Variants in SSC5D observed in about 807,000 individuals in gnomAD.
SSC5D encodes soluble scavenger receptor cysteine-rich domain-containing protein SSC5D.
SSC5D carries 106 observed loss-of-function variants against 104.6 expected under a neutral mutation model. The observed-to-expected ratio is 1.01, with a 90% CI of 0.87 to 1.19. The LOEUF (loss-of-function observed/expected upper bound fraction) is 1.19. Ranked by LOEUF, SSC5D falls within the 50% of genes most tolerant of loss-of-function variation. SSC5D has a pLI of 0.00. For synonymous variants in SSC5D, 860 were observed against 883.5 expected, an observed-to-expected ratio of 0.97 and a Z score of 0.47; for missense variants, 1,993 against 2,153.8, an observed-to-expected ratio of 0.93 and a Z score of 1.48.
chr19:55,490,779 G>T lies in SSC5D; in HGVS notation c.594G>T (p.Leu198=), dbSNP rs940648801. The change falls in exon 6 of 14, where the codon CTG becomes CTT. Residue 198 remains leucine (L), a synonymous_variant. Coordinates refer to ENST00000389623, the MANE Select transcript of SSC5D (RefSeq NM_001144950.2). ...LTTGAPRQER[L]RLVSGPHRCA... Reference sequence around the variant, plus strand: ...TCCCTGCTCACCCCACAGAGCGGCTGCGCCTGGTCTCTGGCCCCCACAGGT... The same window carrying T: ...TCCCTGCTCACCCCACAGAGCGGCTTCGCCTGGTCTCTGGCCCCCACAGGT... The T allele has an allele frequency of 2.9e-5, 45 of 1,533,702 alleles. No homozygotes were observed. The highest frequency in any genetic ancestry group is 3.9e-5 in the Non-Finnish European group (44 of 1,141,572).
At chr19:55,499,604 G>A (rs536902353) in intron 9 of SSC5D, among the ~76,000 whole-genome samples, 1 of 152,200 alleles carries the variant, frequency 6.6e-6, no homozygotes, top group South Asian at 2.1e-4. Flanking sequence ...GAAGGCGGGG[G>A]CAGTGTCGGG....
At position 55,489,126 on chromosome 19, in the gene SSC5D, G is replaced by A. The variant is rs1251605006; in HGVS notation, c.52+94G>A. ...CTGGCCTCACCCCCACTGGGTCCCC[G>A]GCCCATCCGAATTCCACTGTGACCT... On this transcript the variant is annotated intron_variant, in intron 2 of 13. Coordinates refer to ENST00000389623, the MANE Select transcript of SSC5D (RefSeq NM_001144950.2). 2.3e-5 allele frequency: 19 copies of A among 842,570 alleles called. No individual in the cohort carries two copies. The Admixed American group carries it at 3.3e-4, about 15-fold the overall frequency. 52.2% of individuals were successfully genotyped at this position (842,570 alleles called of 1,614,324 possible).
At chr19:55,516,041 G>A (rs559379518) in intron 13 of SSC5D, among the ~76,000 whole-genome samples, 1 of 152,216 alleles carries the variant, frequency 6.6e-6, no homozygotes, top group East Asian at 1.9e-4. Flanking sequence ...TCACTTGGAA[G>A]ACAGCCCCAG....
intron 4 of SSC5D, 55 bp downstream of exon 4, chr19:55,490,050 C>T (rs1359443384): frequency 1.5e-6 from 2 of 1,326,530 alleles, no homozygotes; most frequent in Non-Finnish European, 2.0e-6. Flanking sequence ...TCCTGCCCCC[C>T]CCGAGGGGAG....
At chr19:55,492,550 G>A (rs919874080) in intron 6 of SSC5D, 3 of 152,112 alleles carry the variant, frequency 2.0e-5, no homozygotes, top group Non-Finnish European at 4.4e-5. Context: ...GCAACCCCGG[G>A]AGGGAGACGC....
rs1987578788 is a variant in SSC5D at position 55,503,979 on chromosome 19, C to A, written c.2785+2778C>A. The A allele has an allele frequency of 1.2e-6, 1 of 822,120 alleles. No individual in the cohort carries two copies. Among genetic ancestry groups the A allele is most frequent in the Non-Finnish European group, 1.8e-6 (1 of 547,096 alleles). The allele number at this position is 822,120 out of a possible 1,614,324, so 50.9% of individuals were successfully genotyped here. A position where few individuals can be genotyped will look rare whatever the true frequency, so the allele number is the denominator to read the frequency against. On this transcript the variant is annotated intron_variant, in intron 12 of 13. Coordinates refer to ENST00000389623, the MANE Select transcript of SSC5D (RefSeq NM_001144950.2). The surrounding 1 kb of genome is among the most constrained non-coding windows in gnomAD (Gnocchi z 4.0). The stretch of plus-strand genomic sequence containing the variant: ...GGCGCATCGCCCGCAGTAATAATAG[C>A]TGGGCGAAGGGCAACCAGGCCCCAA...
chr19:55,494,735 C>T lies in SSC5D; in HGVS notation c.1339C>T (p.Pro447Ser). 1 of 1,550,020 alleles carries T rather than the reference C, an allele frequency of 6.5e-7. No individual in the cohort carries two copies. The highest frequency in any genetic ancestry group is 8.7e-7 in the Non-Finnish European group (1 of 1,146,558). ...GGCTCCAGGGACGGCAGGCGTTTCACCTCCTCCAGCCTCCCCTACTGTCCT... is the reference window on the plus strand; with the variant it reads ...GGCTCCAGGGACGGCAGGCGTTTCATCTCCTCCAGCCTCCCCTACTGTCCT... ...SQAPGTAGVS[P>S]PPASPTVLWE... is the part of the protein sequence containing the mutation. The change falls in exon 8 of 14, where the codon CCT becomes TCT. Residue 447 changes from proline (P) to serine (S), a missense_variant. Around this residue, in one of 6 missense-constraint regions of SSC5D, gnomAD observed 1,101 missense variants for 1,085.0 expected, o/e 1.01. Transcript: ENST00000389623.
intron 8 of SSC5D, among the ~76,000 whole-genome samples, chr19:55,497,434 T>C (rs1299413243): frequency 3.3e-5 from 5 of 152,212 alleles, no homozygotes; most frequent in African/African-American, 1.2e-4. Context: ...TGAGGTGACA[T>C]TCATGTAACA....
rs1987135504 is a variant in SSC5D, at chr19:55,491,203, G to A, written c.895+123G>A. ...CCTCCTGCCCGCCTGCTCTCTGCAT[G>A]CCCAGCGCCCACTCACCACGCTCTC... is the stretch of plus-strand genomic sequence containing the variant. On this transcript the variant is annotated intron_variant, in intron 6 of 13. Transcript: ENST00000389623. The A allele has an allele frequency of 9.0e-6, 10 of 1,111,128 alleles. No homozygotes were observed. In the East Asian group the frequency reaches 2.7e-4, roughly 30 times the overall value. The allele number at this position is 1,111,128 out of a possible 1,614,324, so 68.8% of individuals were successfully genotyped here.
Position 55,503,088 on chromosome 19 carries a change from C to T in SSC5D, c.2785+1887C>T, listed in dbSNP as rs1426357526. Among the ~76,000 whole-genome samples the T allele has an allele frequency of 6.6e-6, 1 of 152,058 alleles. No individual in the cohort carries two copies. The highest frequency in any genetic ancestry group is 2.4e-5 in the African/African-American group (1 of 41,402). ...TCGGCCTCCCAAAGTGCTGGGATTA[C>T]AGGGGTGAGCCACTGCTCCCGGCCT... is the stretch of plus-strand genomic sequence containing the variant. On this transcript the variant is annotated intron_variant, in intron 12 of 13. Transcript: ENST00000389623. This position sits in a 1 kb window ranked among gnomAD's most constrained non-coding sequence, Gnocchi z 4.0.
intron 2 of SSC5D, 22 bp downstream of exon 2, chr19:55,489,054 A>G (rs1241320535): frequency 1.7e-6 from 2 of 1,210,692 alleles, no homozygotes; most frequent in Non-Finnish European, 2.1e-6. Flanking sequence ...GACTCCTCCC[A>G]TCTGCCCGCC....
chr19:55,510,626 C>T (rs1319629928), intron 12 of SSC5D, among the ~76,000 whole-genome samples: 1 of 152,126 alleles, frequency 6.6e-6, no homozygotes, highest in African/African-American at 2.4e-5. Flanking sequence ...GGATTACAGG[C>T]GTGAGCCACC....
rs11882138 is a variant in SSC5D, at chr19:55,503,004, C to T, written c.2785+1803C>T. On this transcript the variant is annotated intron_variant, in intron 12 of 13. Transcript: ENST00000389623. This position sits in a 1 kb window ranked among gnomAD's most constrained non-coding sequence, Gnocchi z 4.0. ...CTAATTTTTGTATTTTTAGTAGAGA[C>T]GGGTTTCACCATGTTGGCCAGGCTG... is the stretch of plus-strand genomic sequence containing the variant. 4.6e-5 allele frequency among the ~76,000 whole-genome samples: 7 copies of T among 151,860 alleles called. No homozygotes were observed. Among genetic ancestry groups the T allele is most frequent in the African/African-American group, 1.7e-4 (7 of 41,326 alleles).
chr19:55,492,964 A>C (rs1987193457), intron 6 of SSC5D: 1 of 152,170 alleles, frequency 6.6e-6, no homozygotes, highest in Non-Finnish European at 1.5e-5. Context: ...CAGGAGGTCG[A>C]GACTGCAGTG....
Position 55,513,092 on chromosome 19 carries a change from G to A in SSC5D, c.2867G>A (p.Gly956Asp). The A allele has an allele frequency of 6.4e-7, 1 of 1,550,584 alleles. No homozygotes were observed. Among genetic ancestry groups the A allele is most frequent in the Non-Finnish European group, 8.7e-7 (1 of 1,146,324 alleles). The change falls in exon 13 of 14, where the codon GGC (glycine) becomes GAC (aspartate). Residue 956 changes from glycine to aspartate, a missense_variant. By Grantham distance (94) the Gly-to-Asp change is moderately conservative. Transcript: ENST00000389623. Reference sequence around the variant, plus strand: ...CTGGCTGAGGGGACCCCTACCGCAGGCAAACTAGGACCAACTCTTGGGGCT... The same window carrying A: ...CTGGCTGAGGGGACCCCTACCGCAGACAAACTAGGACCAACTCTTGGGGCT... ...RGLAEGTPTA[G>D]KLGPTLGAGT...
Position 55,501,120 on chromosome 19 carries a change from G to T in SSC5D, c.2704G>T (p.Val902Leu), listed in dbSNP as rs1987490935. The change falls in exon 12 of 14, where the codon GTA (valine) becomes TTA (leucine). Residue 902 changes from valine to leucine, a missense_variant. Transcript: ENST00000389623. ...GGCCAAGGGGACTACCACAGCGGGG[G>T]TACCTGGACACACTCTCCCCTGGAG... The part of the protein sequence containing the change: ...DLAKGTTTAG[V>L]PGHTLPWRTT... The T allele has an allele frequency of 6.4e-7, 1 of 1,551,596 alleles. No individual in the cohort carries two copies. Among genetic ancestry groups the T allele is most frequent in the Middle Eastern group, 1.7e-4 (1 of 5,990 alleles).
At chr19:55,515,553 A>G (rs1987853580) in intron 13 of SSC5D, among the ~76,000 whole-genome samples, 1 of 151,934 alleles carries the variant, frequency 6.6e-6, no homozygotes, top group African/African-American at 2.4e-5. Context: ...TAACACAGTG[A>G]AACCCCATCT....
chr19:55,490,536 G>C lies in SSC5D; in HGVS notation c.586+128G>C, dbSNP rs78828816. The C allele has an allele frequency of 2.6e-4, 161 of 609,654 alleles. 1 individual carries two copies. The South Asian group carries it at 3.3e-3, about 12-fold the overall frequency. 37.8% of individuals were successfully genotyped at this position (609,654 alleles called of 1,614,324 possible). A position where few individuals can be genotyped will look rare whatever the true frequency, so the allele number is the denominator to read the frequency against. Reference sequence around the variant, plus strand: ...CTGGAGGGATCCCAGTGTTCCCCGCGTCCCTCCCCCGGGGATTTAGACGGC... The same window carrying C: ...CTGGAGGGATCCCAGTGTTCCCCGCCTCCCTCCCCCGGGGATTTAGACGGC... On this transcript the variant is annotated intron_variant, in intron 5 of 13. Coordinates refer to ENST00000389623, the MANE Select transcript of SSC5D (RefSeq NM_001144950.2).
At position 55,490,427 on chromosome 19, in the gene SSC5D, C is replaced by A; in HGVS notation, c.586+19C>A. The A allele has an allele frequency of 1.3e-6, 1 of 788,096 alleles. No individual in the cohort carries two copies. The highest frequency in any genetic ancestry group is 2.0e-6 in the Non-Finnish European group (1 of 510,724). The allele number at this position is 788,096 out of a possible 1,614,324, so 48.8% of individuals were successfully genotyped here. ...CGCCAAGGTAAGCTCCCTGCAGGCT[C>A]CCCCGACCCCAAGGCTGGTTGCTGT... On this transcript the variant is annotated intron_variant, in intron 5 of 13. Transcript: ENST00000389623.
Sources: gnomAD v4.1 joint callset for allele counts (sites outside exome capture counted in the v4.1 genomes callset) on GRCh38, gnomAD v4.1.1 for gene constraint, gnomAD v4.1.1 regional missense constraint, Gnocchi (gnomAD v3.1) non-coding constraint, MANE v1.5 for transcripts, NCBI Gene and HGNC (gene_info 2026-07-23, HGNC 2026-07-21) for gene names.